CLUL1: variants seen among roughly 807,000 people sequenced by gnomAD.
CLUL1 encodes clusterin like 1, also known as clusterin-like protein 1.
Under a neutral mutation model 49.4 loss-of-function variants are expected in CLUL1, and 43 were observed. The ratio of observed to expected loss-of-function variants is 0.87; its 90% confidence interval spans 0.68 to 1.12. The LOEUF is 1.12. CLUL1 is among the 50% of genes most tolerant of loss of function. The probability of loss-of-function intolerance (pLI) is 0.00; values close to 1 mark genes in which losing one functional copy is unlikely to be tolerated. For missense variants in CLUL1, 486 were observed against 544.4 expected (o/e 0.89, Z 1.07); for synonymous variants, 192 against 184.9 (o/e 1.04, Z -0.31).
chr18:612,624 G>A (rs547976405), intron 2 of CLUL1: 1 of 152,302 alleles, frequency 6.6e-6, no homozygotes, highest in South Asian at 2.1e-4. Flanking sequence ...CCTCAAAGAG[G>A]CCTTCCTCGG....
chr18:632,693 C>A (rs2041691940), intron 6 of CLUL1, among the ~76,000 whole-genome samples: 1 of 152,152 alleles, frequency 6.6e-6, no homozygotes, highest in Non-Finnish European at 1.5e-5. Context: ...ATTAATAATT[C>A]TTCATGACTC....
rs1271948175 is a variant in CLUL1, at chr18:606,130, A to T, written c.-135-848A>T. Reference sequence around the variant, plus strand: ...TCCTCCCCTAAGGGTGGCAGGAAGAACACCCCTCCCCCAGATGGTATTTAG... The same window carrying T: ...TCCTCCCCTAAGGGTGGCAGGAAGATCACCCCTCCCCCAGATGGTATTTAG... On this transcript the variant is annotated intron_variant, in intron 1 of 9. Transcript: ENST00000692774. The surrounding 1 kb of genome is among the most constrained non-coding windows in gnomAD (Gnocchi z 4.1). Among the ~76,000 whole-genome samples the T allele has an allele frequency of 1.3e-5, 2 of 152,200 alleles. No individual in the cohort carries two copies. Among genetic ancestry groups the T allele is most frequent in the Non-Finnish European group, 2.9e-5 (2 of 68,038 alleles).
rs756778551 is a variant in CLUL1, at chr18:607,104, G to A, written c.-14+5G>A. ...CATGAGGACCTGGGACTACAGGTAT[G>A]CACCGCTATACCCGTCTATCTTTTA... On this transcript the variant is annotated splice_donor_5th_base_variant and intron_variant, in intron 2 of 9. Coordinates refer to ENST00000692774, the MANE Select transcript of CLUL1 (RefSeq NM_001393344.1). 7.1e-6 allele frequency: 5 copies of A among 701,856 alleles called. No individual in the cohort carries two copies. In the South Asian group the frequency reaches 7.4e-5, roughly 10 times the overall value. 43.5% of individuals were successfully genotyped at this position (701,856 alleles called of 1,614,324 possible). A position where few individuals can be genotyped will look rare whatever the true frequency, so the allele number is the denominator to read the frequency against.
rs559610567 is a variant in CLUL1 at position 606,791 on chromosome 18, A to G, written c.-135-187A>G. On this transcript the variant is annotated intron_variant, in intron 1 of 9. Transcript: ENST00000692774. The surrounding 1 kb of genome is among the most constrained non-coding windows in gnomAD (Gnocchi z 4.1). Reference sequence around the variant, plus strand: ...ACACACAAACAAAAATAAACGTGAGATATGATTCTCCCGGAGTGTTTAGAG... The same window carrying G: ...ACACACAAACAAAAATAAACGTGAGGTATGATTCTCCCGGAGTGTTTAGAG... Among the ~76,000 whole-genome samples, 1 of 152,266 alleles carries G rather than the reference A, an allele frequency of 6.6e-6. No homozygotes were observed. The highest frequency in any genetic ancestry group is 2.4e-5 in the African/African-American group (1 of 41,544).
At position 627,493 on chromosome 18, in the gene CLUL1, C is replaced by CT; in HGVS notation, c.821dup (p.Lys275GlufsTer14). On this transcript the variant is annotated frameshift_variant, in exon 6 of 10. Coordinates refer to ENST00000692774, the MANE Select transcript of CLUL1 (RefSeq NM_001393344.1). LOFTEE classifies it high-confidence loss of function. ...TGTCAGTGAAACAATTACTAAGATG[C>CT]TGAAGGCAATAGAAGATTTACCAAA... The CT allele has an allele frequency of 6.2e-7, 1 of 1,611,988 alleles. No individual in the cohort carries two copies. The highest frequency in any genetic ancestry group is 1.7e-5 in the Admixed American group (1 of 59,910).
intron 5 of CLUL1, among the ~76,000 whole-genome samples, chr18:625,518 AACACACACACACACACACAC>A (rs3221054): frequency 6.9e-6 from 1 of 144,632 alleles, no homozygotes; most frequent in South Asian, 2.3e-4. Flanking sequence ...CCTTATGCAT[AACACACACACACACACACAC>A]ACACACACAC....
Position 624,857 on chromosome 18 carries a change from T to G in CLUL1, c.256-8T>G. 1 of 1,612,706 alleles carries G rather than the reference T, an allele frequency of 6.2e-7. No individual in the cohort carries two copies. The highest frequency in any genetic ancestry group is 1.3e-5 in the African/African-American group (1 of 74,882). On this transcript the variant is annotated splice_region_variant and splice_polypyrimidine_tract_variant and intron_variant, in intron 4 of 9. Transcript: ENST00000692774. ...GGAAATTGGACTTTTGTTTCTACTT[T>G]TAACTAGGAGGCCCTGAAACTTCTG...
Position 637,655 on chromosome 18 carries a change from C to T in CLUL1, c.995-3672C>T, listed in dbSNP as rs28450241. Among the ~76,000 whole-genome samples, 527 of 152,158 alleles carry T rather than the reference C, an allele frequency of 3.5e-3. 3 individuals are homozygous for T. Among genetic ancestry groups the T allele is most frequent in the African/African-American group, 0.012 (501 of 41,500 alleles). On this transcript the variant is annotated intron_variant, in intron 7 of 9. Transcript: ENST00000692774. ...TCTGATTACAAACTGGACCTTTTCG[C>T]GGGGTTACCTAGAGCAGTTGAGAGT...
intron 9 of CLUL1, among the ~76,000 whole-genome samples, chr18:645,803 A>AT (rs2074467452): frequency 2.0e-5 from 1 of 50,866 alleles, no homozygotes; most frequent in Non-Finnish European, 3.7e-5. Context: ...AAAAAAAAAA[A>AT]AAAAAAAATA....
intron 2 of CLUL1, among the ~76,000 whole-genome samples, chr18:610,348 C>T (rs1216750394): frequency 3.3e-5 from 5 of 152,070 alleles, no homozygotes; most frequent in Admixed American, 1.3e-4. Flanking sequence ...ATACATCTGG[C>T]GGTCTGCTTG....
intron 2 of CLUL1, among the ~76,000 whole-genome samples, chr18:615,885 G>A (rs970717228): frequency 6.6e-6 from 1 of 152,200 alleles, no homozygotes; most frequent in African/African-American, 2.4e-5. Flanking sequence ...GCAGAGCAAA[G>A]ATAAACTCCA....
rs76256970 is a variant in CLUL1 at position 628,985 on chromosome 18, A to G, written c.856+1456A>G. ...CCTGACCCTATCTGACTATTTTTCA[A>G]TTATATTAGCTGTAGCTGGCAACAT... On this transcript the variant is annotated intron_variant, in intron 6 of 9. Coordinates refer to ENST00000692774, the MANE Select transcript of CLUL1 (RefSeq NM_001393344.1). 2.0e-4 allele frequency among the ~76,000 whole-genome samples: 30 copies of G among 152,186 alleles called. No individual in the cohort carries two copies. The East Asian group carries it at 5.8e-3, about 29-fold the overall frequency.
At chr18:607,314 A>G (rs1056650231) in intron 2 of CLUL1, among the ~76,000 whole-genome samples, 1 of 152,148 alleles carries the variant, frequency 6.6e-6, no homozygotes, top group Non-Finnish European at 1.5e-5. Flanking sequence ...TTTTTAGTAG[A>G]GATGTGGTTT....
intron 4 of CLUL1, among the ~76,000 whole-genome samples, chr18:620,553 T>A (rs1050627652): frequency 8.5e-5 from 13 of 152,198 alleles, no homozygotes; most frequent in Admixed American, 2.0e-4. Context: ...GGATCCCCTT[T>A]TCCCCAAGGT....
intron 5 of CLUL1, among the ~76,000 whole-genome samples, chr18:625,693 A>G (rs2073665500): frequency 6.6e-6 from 1 of 152,104 alleles, no homozygotes; most frequent in South Asian, 2.1e-4. Flanking sequence ...CTGCCCCACT[A>G]ACGGCTCCAA....
chr18:622,596 A>G (rs1248839629), intron 4 of CLUL1, among the ~76,000 whole-genome samples: 1 of 152,250 alleles, frequency 6.6e-6, no homozygotes, highest in Non-Finnish European at 1.5e-5. Flanking sequence ...TTTACTAGAC[A>G]GAGGTCTACT....
At chr18:611,234 CTTTTTT>C (rs57499796) in intron 2 of CLUL1, among the ~76,000 whole-genome samples, 1 of 129,458 alleles carries the variant, frequency 7.7e-6, no homozygotes. Flanking sequence ...CACCCCCCAC[CTTTTTT>C]TTTTTTTTTT....
chr18:614,289 G>C (rs2073225630), intron 2 of CLUL1, among the ~76,000 whole-genome samples: 1 of 143,562 alleles, frequency 7.0e-6, no homozygotes. Context: ...ATGGACATAA[G>C]GAAAGAAGGA....
intron 4 of CLUL1, among the ~76,000 whole-genome samples, chr18:619,633 T>TAGAAA (rs2073425257): frequency 2.6e-5 from 4 of 152,080 alleles, no homozygotes; most frequent in Non-Finnish European, 1.5e-5. Flanking sequence ...CTTGGTCTCT[T>TAGAAA]CTGAGTTAGG....
Sources: gnomAD v4.1 joint callset for allele counts (sites outside exome capture counted in the v4.1 genomes callset) on GRCh38, gnomAD v4.1.1 for gene constraint, Gnocchi (gnomAD v3.1) non-coding constraint, MANE v1.5 for transcripts, NCBI Gene and HGNC (gene_info 2026-07-23, HGNC 2026-07-21) for gene names.